The following MRPS21 variants were observed in gnomAD, a reference collection of about 807,000 sequenced individuals.
MRPS21 encodes the protein mitochondrial ribosomal protein S21.
A neutral mutation model predicts 9.9 loss-of-function variants in MRPS21; 8 were observed. The observed-to-expected ratio is 0.81, with a 90% CI of 0.47 to 1.45. MRPS21 has a LOEUF of 1.45. MRPS21 is among the 40% of genes most tolerant of loss of function. The pLI, the probability that MRPS21 is intolerant of heterozygous loss-of-function variation, is 0.00. For missense variants in MRPS21, 101 were observed against 118.9 expected (o/e 0.85, Z 0.70); for synonymous variants, 40 against 40.3 (o/e 0.99, Z 0.03).
intron 2 of MRPS21, among the ~76,000 whole-genome samples, chr1:150,295,774 A>C (rs1553856442): frequency 1.2e-5 from 1 of 82,110 alleles, no homozygotes; most frequent in Non-Finnish European, 2.3e-5. Flanking sequence ...CCATTTCTAA[A>C]AATATTAAGA....
chr1:150,303,272 G>A (rs1553857951), intron 2 of MRPS21, among the ~76,000 whole-genome samples: 2 of 152,016 alleles, frequency 1.3e-5, no homozygotes, highest in South Asian at 2.1e-4. Context: ...CAGTCTCCTT[G>A]TACTTTTTAC....
At chr1:150,298,758 C>A (rs1009079832) in intron 2 of MRPS21, among the ~76,000 whole-genome samples, 1 of 152,096 alleles carries the variant, frequency 6.6e-6, no homozygotes, top group Non-Finnish European at 1.5e-5. Context: ...CATGCCACTA[C>A]CCCGGCTAAT....
chr1:150,294,315 C>A lies in MRPS21; in HGVS notation c.-32-20C>A. ...CGTTTCTCTTTCTGCTTTCCTCGCC[C>A]TTTCTCCATCATCCTTTAGGCTCTA... is the stretch of plus-strand genomic sequence containing the variant. On this transcript the variant is annotated intron_variant, in intron 1 of 2. Coordinates refer to ENST00000614145, the MANE Select transcript of MRPS21 (RefSeq NM_031901.6). 1 of 1,510,586 alleles carries A rather than the reference C, an allele frequency of 6.6e-7. No homozygotes were observed. Among genetic ancestry groups the A allele is most frequent in the South Asian group, 1.1e-5 (1 of 88,824 alleles). The allele number at this position is 1,510,586 out of a possible 1,614,324, so 93.6% of individuals were successfully genotyped here.
At chr1:150,304,755 CA>C (rs143084308) in intron 2 of MRPS21, 127 of 129,426 alleles carry the variant, frequency 9.8e-4, no homozygotes, top group South Asian at 6.3e-3. Context: ...GACTCTGTCT[CA>C]AAAAAAAAAA....
chr1:150,307,569 G>A (rs782414974), intron 2 of MRPS21, among the ~76,000 whole-genome samples: 2 of 151,592 alleles, frequency 1.3e-5, no homozygotes, highest in Non-Finnish European at 2.9e-5. Flanking sequence ...TGTTGCCCAT[G>A]CTGAACAATA....
intron 2 of MRPS21, among the ~76,000 whole-genome samples, chr1:150,305,692 T>C (rs957379100): frequency 3.3e-5 from 5 of 152,006 alleles, no homozygotes; most frequent in Non-Finnish European, 5.9e-5. Context: ...CCTCCCAGGT[T>C]CAAGCTATTC....
At chr1:150,307,150 CTT>C (rs1234418375) in intron 2 of MRPS21, among the ~76,000 whole-genome samples, 33 of 150,722 alleles carry the variant, frequency 2.2e-4, no homozygotes, top group South Asian at 1.1e-3. Context: ...GGTTCAAACA[CTT>C]CTCCTGCCTG....
In MRPS21 at chr1:150,294,394, A is replaced by G. The variant is rs376189902; in HGVS notation, c.28A>G (p.Arg10Gly). Residue 10 changes from arginine to glycine, a missense_variant, in exon 2 of 3, where the codon AGG becomes GGG. Transcript: ENST00000614145. MAKHLKFIARTVMVQEGNVE... is the reference protein window; with the variant it reads MAKHLKFIAGTVMVQEGNVE... ...GGCAAAACATCTGAAGTTCATCGCC[A>G]GGACTGTGATGGTACAGGAAGGGAA... is the stretch of plus-strand genomic sequence containing the variant. 6.2e-7 allele frequency: 1 copy of G among 1,613,670 alleles called. No individual in the cohort carries two copies.
At chr1:150,306,874 T>A in intron 2 of MRPS21, among the ~76,000 whole-genome samples, 1 of 152,114 alleles carries the variant, frequency 6.6e-6, no homozygotes. Context: ...TCTCCCCAGT[T>A]GAGGTCTCTG....
chr1:150,307,912 T>G lies in MRPS21; in HGVS notation c.84-136T>G, dbSNP rs370516684. ...ATTGAGGCCTTTGTAAGTAGGCAGT[T>G]AATGCTCTATTGCCACCATTTCCCA... On this transcript the variant is annotated intron_variant, in intron 2 of 2. Transcript: ENST00000614145. The G allele has an allele frequency of 2.2e-4, 184 of 834,658 alleles. 4 individuals carry two copies. In the East Asian group the frequency reaches 4.9e-3, roughly 22 times the overall value. 51.7% of individuals were successfully genotyped at this position (834,658 alleles called of 1,614,324 possible).
intron 2 of MRPS21, among the ~76,000 whole-genome samples, chr1:150,305,522 A>G (rs1456236323): frequency 2.0e-5 from 3 of 152,200 alleles, no homozygotes; most frequent in Admixed American, 2.0e-4. Flanking sequence ...GCAAAGAAAA[A>G]AACAAGTATG....
At chr1:150,304,186 C>G (rs1553858113) in intron 2 of MRPS21, 1 of 353,246 alleles carries the variant, frequency 2.8e-6, no homozygotes, top group East Asian at 7.6e-5. Flanking sequence ...TGGTACGCCC[C>G]TGTAATCCCA....
At chr1:150,303,401 A>G (rs1654215543) in intron 2 of MRPS21, among the ~76,000 whole-genome samples, 1 of 152,248 alleles carries the variant, frequency 6.6e-6, no homozygotes, top group South Asian at 2.1e-4. Flanking sequence ...CTCAGCAGAA[A>G]TAAATGTTTA....
At chr1:150,299,318 CTT>C (rs200663606) in intron 2 of MRPS21, among the ~76,000 whole-genome samples, 3 of 94,424 alleles carry the variant, frequency 3.2e-5, no homozygotes, top group African/African-American at 9.5e-5. Flanking sequence ...AGAGAAGACT[CTT>C]ATTTCTTTGT....
At chr1:150,306,378 G>A (rs966229858) in intron 2 of MRPS21, among the ~76,000 whole-genome samples, 1 of 151,136 alleles carries the variant, frequency 6.6e-6, no homozygotes, top group Non-Finnish European at 1.5e-5. Context: ...CGAGTTCAAG[G>A]GATTCTCCTG....
intron 2 of MRPS21, 89 bp from the exon 3 acceptor site, chr1:150,307,959 A>G (rs2101914022): frequency 1.6e-6 from 2 of 1,243,636 alleles, no homozygotes; most frequent in East Asian, 2.4e-5. Flanking sequence ...ATAAATACCA[A>G]TTGTTTGGTC....
chr1:150,300,819 T>C (rs1257738105), intron 2 of MRPS21, among the ~76,000 whole-genome samples: 2 of 151,722 alleles, frequency 1.3e-5, no homozygotes, highest in African/African-American at 4.8e-5. Flanking sequence ...AAAGTAGGAG[T>C]AGGATTTGGA....
chr1:150,298,280 G>C (rs1653987053), intron 2 of MRPS21, among the ~76,000 whole-genome samples: 1 of 152,198 alleles, frequency 6.6e-6, no homozygotes, highest in Non-Finnish European at 1.5e-5. Context: ...CAGTGAGTTA[G>C]CTAGGGAGAT....
intron 2 of MRPS21, among the ~76,000 whole-genome samples, chr1:150,295,221 C>T (rs1653873777): frequency 2.0e-5 from 3 of 151,950 alleles, no homozygotes; most frequent in South Asian, 4.2e-4. Flanking sequence ...GTCTTGATCT[C>T]CTGACCTCAA....
Sources: allele counts gnomAD v4.1 joint callset (sites outside exome capture counted in the v4.1 genomes callset), GRCh38; gene constraint gnomAD v4.1.1; transcripts MANE v1.5; gene names NCBI Gene and HGNC (gene_info 2026-07-23, HGNC 2026-07-21).